Variants in SUCLG2 observed in about 807,000 individuals in gnomAD.
SUCLG2 encodes the protein succinate--CoA ligase [GDP-forming] subunit beta, mitochondrial.
A neutral mutation model predicts 47.9 loss-of-function variants in SUCLG2; 42 were observed. The ratio of observed to expected loss-of-function variants is 0.88; its 90% CI spans 0.69 to 1.14. SUCLG2 has a LOEUF of 1.14. Ranked by LOEUF, SUCLG2 falls within the 50% of genes most tolerant of loss-of-function variation. SUCLG2 has a pLI of 0.00. For synonymous variants in SUCLG2, 195 were observed against 197.3 expected, an observed-to-expected ratio of 0.99 and a Z score of 0.10; for missense variants, 571 against 525.9, an observed-to-expected ratio of 1.09 and a Z score of -0.84.
intron 2 of SUCLG2, among the ~76,000 whole-genome samples, chr3:67,570,034 A>C (rs1348031990): frequency 1.3e-5 from 2 of 152,138 alleles, no homozygotes; most frequent in African/African-American, 2.4e-5. Context: ...TTAGGAAGGG[A>C]CCTAATCCAA....
At chr3:67,420,621 A>G (rs958403779) in intron 9 of SUCLG2, among the ~76,000 whole-genome samples, 5 of 152,222 alleles carry the variant, frequency 3.3e-5, no homozygotes, top group African/African-American at 1.2e-4. Context: ...GAGAATCTCA[A>G]GGGGACTATC....
chr3:67,569,630 C>G (rs1230952106), intron 2 of SUCLG2, among the ~76,000 whole-genome samples: 1 of 152,180 alleles, frequency 6.6e-6, no homozygotes. Context: ...CTAATTTGTC[C>G]CTTTAGGACT....
At chr3:67,573,324 C>G (rs1476580278) in intron 2 of SUCLG2, among the ~76,000 whole-genome samples, 3 of 152,046 alleles carry the variant, frequency 2.0e-5, no homozygotes, top group African/African-American at 7.2e-5. Context: ...AAAATGTATA[C>G]AGAAATGCAA....
intron 9 of SUCLG2, among the ~76,000 whole-genome samples, chr3:67,476,398 T>C (rs896333126): frequency 1.2e-4 from 18 of 152,018 alleles, no homozygotes; most frequent in Non-Finnish European, 2.6e-4. Flanking sequence ...GGTTGTGCGC[T>C]CCTTATGAGA....
intron 10 of SUCLG2, among the ~76,000 whole-genome samples, chr3:67,363,252 A>G (rs560768041): frequency 1.3e-5 from 2 of 152,348 alleles, no homozygotes; most frequent in South Asian, 4.1e-4. Flanking sequence ...AGAAATTCAC[A>G]GACATCTGAT....
intron 9 of SUCLG2, among the ~76,000 whole-genome samples, chr3:67,404,876 G>A (rs4443190): frequency 0.72 from 109,347 of 151,966 alleles, 39,812 homozygotes; most frequent in Admixed American, 0.81. Context: ...TGTGCCTCAC[G>A]TGTTCATTCA....
At chr3:67,513,108 CT>C (rs1335919052) in intron 6 of SUCLG2, among the ~76,000 whole-genome samples, 1 of 145,354 alleles carries the variant, frequency 6.9e-6, no homozygotes, top group African/African-American at 2.8e-5. Context: ...CAGTGTTTGT[CT>C]TTTTGTAACT....
chr3:67,460,685 T>C (rs1463051772), intron 9 of SUCLG2, among the ~76,000 whole-genome samples: 3 of 152,144 alleles, frequency 2.0e-5, no homozygotes, highest in Admixed American at 6.5e-5. Context: ...AGGACTTTTA[T>C]TATAAAAATC....
chr3:67,438,198 A>G (rs1443520889), intron 9 of SUCLG2, among the ~76,000 whole-genome samples: 1 of 152,226 alleles, frequency 6.6e-6, no homozygotes, highest in Non-Finnish European at 1.5e-5. Context: ...CAAAGACACA[A>G]TGTACCAGAA....
At chr3:67,435,568 A>G (rs1703598302) in intron 9 of SUCLG2, among the ~76,000 whole-genome samples, 1 of 152,230 alleles carries the variant, frequency 6.6e-6, no homozygotes, top group Non-Finnish European at 1.5e-5. Flanking sequence ...GAGAATGTAC[A>G]TGCATCATCT....
chr3:67,434,181 A>C (rs1200629581), intron 9 of SUCLG2, among the ~76,000 whole-genome samples: 1 of 152,210 alleles, frequency 6.6e-6, no homozygotes, highest in Non-Finnish European at 1.5e-5. Context: ...ATATATGATC[A>C]TTTCTGTTGT....
At chr3:67,369,856 T>C (rs1175986270), downstream of SUCLG2, among the ~76,000 whole-genome samples, 1 of 152,172 alleles carries the variant, frequency 6.6e-6, no homozygotes, top group African/African-American at 2.4e-5. Flanking sequence ...CCTAAAGAAG[T>C]GGCACTATGA....
intron 1 of SUCLG2, among the ~76,000 whole-genome samples, chr3:67,620,584 C>CAAAAAAAAAAAAAAAAAAAAA (rs71109890): frequency 1.6e-5 from 1 of 63,518 alleles, no homozygotes; most frequent in African/African-American, 6.1e-5. Context: ...GACTCCATCT[C>CAAAAAAAAAAAAAAAAAAAAA]AAAAAAAAAA....
intron 6 of SUCLG2, among the ~76,000 whole-genome samples, chr3:67,515,029 A>C (rs1056299686): frequency 6.6e-6 from 1 of 152,146 alleles, no homozygotes; most frequent in Non-Finnish European, 1.5e-5. Context: ...CCAATGCTAC[A>C]TCGCAATGCT....
intron 2 of SUCLG2, among the ~76,000 whole-genome samples, chr3:67,578,621 G>A (rs1019508187): frequency 6.6e-6 from 1 of 152,078 alleles, no homozygotes; most frequent in Non-Finnish European, 1.5e-5. Flanking sequence ...CGGCTGAACC[G>A]GAGATCACAG....
At chr3:67,444,111 G>A (rs1160625263) in intron 9 of SUCLG2, among the ~76,000 whole-genome samples, 30 of 96,624 alleles carry the variant, frequency 3.1e-4, no homozygotes, top group African/African-American at 9.9e-4. Flanking sequence ...AGGGAGGTGG[G>A]GGGGTCAGCC....
At chr3:67,373,107 A>G (rs748785261), downstream of SUCLG2, among the ~76,000 whole-genome samples, 12 of 152,184 alleles carry the variant, frequency 7.9e-5, no homozygotes, top group Non-Finnish European at 1.8e-4. Flanking sequence ...ACTATGATAT[A>G]TATTTTCTCG....
chr3:67,584,089 G>T (rs538027132), intron 2 of SUCLG2, among the ~76,000 whole-genome samples: 22 of 152,266 alleles, frequency 1.4e-4, no homozygotes, highest in African/African-American at 5.1e-4. Flanking sequence ...TCCACATAAA[G>T]ACTTGGACAT....
intron 10 of SUCLG2, among the ~76,000 whole-genome samples, chr3:67,378,897 A>G (rs1702091599): frequency 6.6e-6 from 1 of 152,204 alleles, no homozygotes; most frequent in Admixed American, 6.5e-5. Flanking sequence ...AAAAGCCCTG[A>G]TGGACACAGG....
Sources: gnomAD v4.1 joint callset for allele counts (sites outside exome capture counted in the v4.1 genomes callset) on GRCh38, gnomAD v4.1.1 for gene constraint, MANE v1.5 for transcripts, NCBI Gene and HGNC (gene_info 2026-07-23, HGNC 2026-07-21) for gene names.